The following CDH1 variants were observed in gnomAD, a reference collection of about 807,000 sequenced individuals.
CDH1 encodes the protein cadherin-1.
In CDH1, 35 loss-of-function variants were observed where a neutral mutation model predicts 84.5. The observed-to-expected ratio is 0.41, with a 90% CI of 0.32 to 0.55. The LOEUF (loss-of-function observed/expected upper bound fraction) is 0.55. CDH1 is among the 20% of genes least tolerant of loss of function. The pLI is 0.19. For missense variants in CDH1, 994 were observed against 1,126.6 expected (o/e 0.88, Z 1.68); for synonymous variants, 417 against 439.0 (o/e 0.95, Z 0.63).
chr16:68,830,483 G>C lies in CDH1; in HGVS notation c.2439+686G>C, dbSNP rs761098946. ...ATAAATGTACATGACAAGCCTACCT[G>C]AGGATTAGAAAAATAGAATCTGTAT... On this transcript the variant is annotated intron_variant, in intron 15 of 15. Transcript: ENST00000261769. Among the ~76,000 whole-genome samples, 9 of 152,112 alleles carry C rather than the reference G, an allele frequency of 5.9e-5. 1 individual carries two copies. The highest frequency in any genetic ancestry group is 8.8e-5 in the Non-Finnish European group (6 of 68,038).
intron 5 of CDH1, among the ~76,000 whole-genome samples, chr16:68,809,810 C>T (rs1445242700): frequency 1.3e-5 from 2 of 152,172 alleles, no homozygotes; most frequent in Non-Finnish European, 2.9e-5. Context: ...ACATGAACCA[C>T]TATGCCTGGC....
Position 68,828,301 on chromosome 16 carries a change from C to A in CDH1, c.2292C>A (p.Asp764Glu), listed in dbSNP as rs61747636. ...ATGAAGAAGGAGGCGGAGAAGAGGACCAGGTGGGTTTTGAAAACCTTGGTA... is the reference window on the plus strand; with the variant it reads ...ATGAAGAAGGAGGCGGAGAAGAGGAACAGGTGGGTTTTGAAAACCTTGGTA... ...YYDEEGGGEE[D>E]QDFDLSQLHR... The change falls in exon 14 of 16, where the codon GAC (aspartate) becomes GAA (glutamate). Residue 764 changes from aspartate (D) to glutamate (E), a missense_variant. By Grantham distance (45) the Asp-to-Glu change is conservative. Coordinates refer to ENST00000261769, the MANE Select transcript of CDH1 (RefSeq NM_004360.5). 4 of 1,613,952 alleles carry A rather than the reference C, an allele frequency of 2.5e-6. No homozygotes were observed. Among genetic ancestry groups the A allele is most frequent in the Non-Finnish European group, 3.4e-6 (4 of 1,179,908 alleles).
At chr16:68,784,005 TC>T (rs747477672) in intron 2 of CDH1, among the ~76,000 whole-genome samples, 10 of 152,106 alleles carry the variant, frequency 6.6e-5, no homozygotes, top group Non-Finnish European at 1.5e-4. Context: ...TGCATCATTT[TC>T]CATTGAGTGG....
At chr16:68,825,038 G>T (rs1418847207) in intron 13 of CDH1, among the ~76,000 whole-genome samples, 1 of 152,020 alleles carries the variant, frequency 6.6e-6, no homozygotes. Context: ...TTGAAGCCAG[G>T]AGTTTGACAC....
At chr16:68,773,294 C>CT (rs750916649) in intron 2 of CDH1, among the ~76,000 whole-genome samples, 4,573 of 138,798 alleles carry the variant, frequency 0.033, 108 homozygotes, top group African/African-American at 0.057. Flanking sequence ...AGTTATTTTC[C>CT]TTTTTTTTTT....
At chr16:68,774,019 G>A (rs368747480) in intron 2 of CDH1, among the ~76,000 whole-genome samples, 6 of 152,184 alleles carry the variant, frequency 3.9e-5, no homozygotes, top group Non-Finnish European at 7.3e-5. Flanking sequence ...AGCCTCAAGC[G>A]ATCTTCCCAC....
At position 68,810,267 on chromosome 16, in the gene CDH1, C is replaced by T. The variant is rs776503962; in HGVS notation, c.758C>T (p.Thr253Ile). The T allele has an allele frequency of 1.9e-6, 3 of 1,613,838 alleles. No homozygotes were observed. The Admixed American group carries it at 5.0e-5, about 27-fold the overall frequency. The change falls in exon 6 of 16, where the codon ACC (threonine) becomes ATC (isoleucine). Residue 253 changes from threonine to isoleucine, a missense_variant. This residue lies in a region of CDH1 where 769 missense variants were observed against 881.8 expected (regional missense o/e 0.87). Coordinates refer to ENST00000261769, the MANE Select transcript of CDH1 (RefSeq NM_004360.5). ...EDPMEILITV[T>I]DQNDNKPEFT... ...CCAATGGAGATTTTGATCACGGTAA[C>T]CGATCAGAATGACAACAAGCCCGAA... is the stretch of plus-strand genomic sequence containing the variant.
chr16:68,810,378 A>G lies in CDH1; in HGVS notation c.832+37A>G, dbSNP rs200131291. 42 of 1,601,410 alleles carry G rather than the reference A, an allele frequency of 2.6e-5. No individual in the cohort carries two copies. The East Asian group carries it at 9.4e-4, about 36-fold the overall frequency. On this transcript the variant is annotated intron_variant, in intron 6 of 15. Coordinates refer to ENST00000261769, the MANE Select transcript of CDH1 (RefSeq NM_004360.5). ...AATGAGAATCTGAATACTCAGAAAG[A>G]CTCTTAGGTTCTTTGGACCCCAAAG...
intron 12 of CDH1, chr16:68,823,022 G>T: frequency 3.4e-6 from 1 of 290,542 alleles, no homozygotes; most frequent in South Asian, 4.3e-5. Context: ...GAAGATAGGT[G>T]ACCACCTGAC....
chr16:68,760,990 G>A (rs749108400), intron 2 of CDH1, among the ~76,000 whole-genome samples: 2 of 152,142 alleles, frequency 1.3e-5, no homozygotes, highest in Non-Finnish European at 2.9e-5. Flanking sequence ...TATGACAGAT[G>A]GTATATTTGG....
intron 2 of CDH1, among the ~76,000 whole-genome samples, chr16:68,758,242 A>T (rs1469446768): frequency 1.0e-5 from 1 of 97,248 alleles, no homozygotes; most frequent in Non-Finnish European, 1.8e-5. Context: ...TTTGAGAGAG[A>T]GAGAGAGAGA....
At chr16:68,766,163 G>A (rs1567485062) in intron 2 of CDH1, among the ~76,000 whole-genome samples, 1 of 152,168 alleles carries the variant, frequency 6.6e-6, no homozygotes, top group Non-Finnish European at 1.5e-5. Context: ...GGAGGCTGAA[G>A]CAGGAGAATC....
intron 13 of CDH1, among the ~76,000 whole-genome samples, chr16:68,825,971 C>T (rs1961312431): frequency 6.6e-6 from 1 of 151,778 alleles, no homozygotes; most frequent in Admixed American, 6.6e-5. Flanking sequence ...CATGAGCCAC[C>T]ACACCCAGCT....
At chr16:68,796,692 T>C (rs1005443605) in intron 2 of CDH1, among the ~76,000 whole-genome samples, 2 of 152,110 alleles carry the variant, frequency 1.3e-5, no homozygotes, top group African/African-American at 2.4e-5. Context: ...ACCGTAGGTT[T>C]AATAGCAGCA....
At chr16:68,798,563 G>T (rs1960421136) in intron 2 of CDH1, among the ~76,000 whole-genome samples, 1 of 152,182 alleles carries the variant, frequency 6.6e-6, no homozygotes, top group Non-Finnish European at 1.5e-5. Context: ...TTAAGATGAG[G>T]TGCCCCAAAG....
intron 2 of CDH1, among the ~76,000 whole-genome samples, chr16:68,793,099 A>G (rs563996776): frequency 1.3e-5 from 2 of 152,272 alleles, no homozygotes; most frequent in Admixed American, 6.5e-5. Context: ...CTGAGAGCAC[A>G]TTGCATGGAT....
intron 7 of CDH1, 87 bp downstream of exon 7, chr16:68,811,946 G>A: frequency 6.6e-7 from 1 of 1,511,258 alleles, no homozygotes; most frequent in South Asian, 1.1e-5. Flanking sequence ...TGCTAGGCCA[G>A]TTGTCAGTTA....
intron 9 of CDH1, among the ~76,000 whole-genome samples, chr16:68,814,922 A>G (rs933027037): frequency 6.8e-4 from 46 of 67,754 alleles, no homozygotes; most frequent in East Asian, 1.5e-3. Flanking sequence ...TCCATCTCTT[A>G]AAAAAAAAAA....
intron 2 of CDH1, among the ~76,000 whole-genome samples, chr16:68,751,577 A>G (rs1962883847): frequency 1.3e-5 from 2 of 152,238 alleles, no homozygotes; most frequent in African/African-American, 4.8e-5. Context: ...ATCTCGGCTC[A>G]CTGCAACCTC....
Sources: allele counts gnomAD v4.1 joint callset (sites outside exome capture counted in the v4.1 genomes callset), GRCh38; gene constraint gnomAD v4.1.1; regional missense constraint gnomAD v4.1.1; transcripts MANE v1.5; gene names NCBI Gene and HGNC (gene_info 2026-07-23, HGNC 2026-07-21).